FILIP1L: variants seen among roughly 807,000 people sequenced by gnomAD.
FILIP1L encodes the protein filamin A interacting protein 1 like, also known as filamin A-interacting protein 1-like.
In FILIP1L, 55 loss-of-function variants were observed where a neutral mutation model predicts 96.6. That is an observed-to-expected ratio of 0.57 (90% CI 0.46 to 0.71). The LOEUF (loss-of-function observed/expected upper bound fraction) is 0.71. Among genes scored for constraint, FILIP1L ranks in the 30% least tolerant of loss-of-function variants. The pLI is 0.00. For synonymous variants in FILIP1L, 467 were observed against 473.9 expected (o/e 0.99, Z 0.19); for missense variants, 1,304 against 1,321.2 (o/e 0.99, Z 0.20).
chr3:99,977,591 A>G (rs765162315), intron 1 of FILIP1L, among the ~76,000 whole-genome samples: 1 of 152,206 alleles, frequency 6.6e-6, no homozygotes, highest in East Asian at 1.9e-4. Context: ...CCATGAAATA[A>G]ATTTCAACAA....
At chr3:99,983,464 GTATA>G (rs1191587665) in intron 1 of FILIP1L, among the ~76,000 whole-genome samples, 699 of 12,338 alleles carry the variant, frequency 0.057, 8 homozygotes, top group Non-Finnish European at 0.09. Flanking sequence ...ATATATGTGT[GTATA>G]TATATATATA....
intron 1 of FILIP1L, among the ~76,000 whole-genome samples, chr3:100,035,809 A>C (rs1207519157): frequency 6.6e-6 from 1 of 152,200 alleles, no homozygotes; most frequent in Admixed American, 6.5e-5. Context: ...GCAGTCATCA[A>C]CTCATGGCCA....
chr3:100,026,857 C>G (rs2064931580), intron 1 of FILIP1L, among the ~76,000 whole-genome samples: 1 of 152,144 alleles, frequency 6.6e-6, no homozygotes, highest in Non-Finnish European at 1.5e-5. Flanking sequence ...CATCGCCCCA[C>G]TGCCCACAAT....
rs1388736214 is a variant in FILIP1L at position 99,829,078 on chromosome 3, A to G, written c.*1336T>C. 1.3e-5 allele frequency among the ~76,000 whole-genome samples: 2 copies of G among 152,150 alleles called. No individual in the cohort carries two copies. The highest frequency in any genetic ancestry group is 4.8e-5 in the African/African-American group (2 of 41,442). ...ATGAGGTGGACTTAGTTAGATAAGTATGGGGAATGGGAGTTCCTTTACTCT... is the reference window on the plus strand; with the variant it reads ...ATGAGGTGGACTTAGTTAGATAAGTGTGGGGAATGGGAGTTCCTTTACTCT... On this transcript the variant is annotated 3_prime_UTR_variant, in exon 6 of 6. Coordinates refer to ENST00000477258, the MANE Select transcript of FILIP1L (RefSeq NM_001387850.1).
At chr3:99,836,045 G>A (rs1294663117) in intron 5 of FILIP1L, among the ~76,000 whole-genome samples, 2 of 152,172 alleles carry the variant, frequency 1.3e-5, no homozygotes, top group Non-Finnish European at 2.9e-5. Flanking sequence ...GAAGGCCATG[G>A]TAGAAGGTTT....
intron 1 of FILIP1L, among the ~76,000 whole-genome samples, chr3:100,002,628 AT>A (rs1337261584): frequency 1.3e-5 from 2 of 152,340 alleles, no homozygotes; most frequent in African/African-American, 4.8e-5. Flanking sequence ...TGTCCATCAT[AT>A]GGGTGTGATT....
intron 1 of FILIP1L, among the ~76,000 whole-genome samples, chr3:99,933,546 A>T (rs931941287): frequency 3.9e-5 from 6 of 152,214 alleles, no homozygotes; most frequent in Non-Finnish European, 8.8e-5. Flanking sequence ...GAAAAATTAT[A>T]CATAAACAGG....
intron 4 of FILIP1L, among the ~76,000 whole-genome samples, chr3:99,886,878 G>A (rs574183345): frequency 6.6e-6 from 1 of 151,854 alleles, no homozygotes; most frequent in African/African-American, 2.4e-5. Context: ...GCTGAGGCAG[G>A]AGAATCGCTT....
intron 1 of FILIP1L, among the ~76,000 whole-genome samples, chr3:100,015,384 C>T (rs1323611340): frequency 4.6e-5 from 7 of 151,990 alleles, no homozygotes; most frequent in African/African-American, 1.5e-4. Context: ...TGGTTTCATA[C>T]GAATTTTAGG....
At chr3:100,023,491 C>T (rs148118775) in intron 1 of FILIP1L, 146 of 152,478 alleles carry the variant, frequency 9.6e-4, no homozygotes, top group African/African-American at 3.1e-3. Context: ...AGAAATGCTC[C>T]GAGTCTATAA....
intron 1 of FILIP1L, among the ~76,000 whole-genome samples, chr3:100,015,449 T>C (rs898707691): frequency 1.3e-5 from 2 of 152,224 alleles, no homozygotes; most frequent in Non-Finnish European, 2.9e-5. Flanking sequence ...AGGTATTGCA[T>C]TGAATCTACA....
chr3:99,858,791 A>G (rs1944100151), intron 4 of FILIP1L, among the ~76,000 whole-genome samples: 1 of 152,226 alleles, frequency 6.6e-6, no homozygotes, highest in Non-Finnish European at 1.5e-5. Context: ...AAAGGGGGCC[A>G]CACTTTAAGA....
At chr3:99,987,396 G>A (rs1709373876) in intron 1 of FILIP1L, among the ~76,000 whole-genome samples, 1 of 151,586 alleles carries the variant, frequency 6.6e-6, no homozygotes, top group Non-Finnish European at 1.5e-5. Context: ...GGGTGTGGTG[G>A]CATACACCTG....
chr3:99,960,082 A>G (rs1170035635), intron 1 of FILIP1L, among the ~76,000 whole-genome samples: 2 of 152,172 alleles, frequency 1.3e-5, no homozygotes, highest in Non-Finnish European at 2.9e-5. Context: ...TCAATGTTAT[A>G]ACGATTGGCT....
intron 1 of FILIP1L, among the ~76,000 whole-genome samples, chr3:100,045,440 C>T (rs2065263906): frequency 6.6e-6 from 1 of 152,046 alleles, no homozygotes; most frequent in Non-Finnish European, 1.5e-5. Flanking sequence ...TGTATAAAAT[C>T]GAGATAAAAC....
intron 1 of FILIP1L, among the ~76,000 whole-genome samples, chr3:99,956,094 A>G (rs1708312163): frequency 6.6e-6 from 1 of 152,186 alleles, no homozygotes; most frequent in South Asian, 2.1e-4. Context: ...TCCTGTCAAT[A>G]ATAGATTTAT....
At chr3:99,834,087 A>G (rs944497232) in intron 5 of FILIP1L, among the ~76,000 whole-genome samples, 5 of 152,234 alleles carry the variant, frequency 3.3e-5, no homozygotes, top group Non-Finnish European at 7.3e-5. Flanking sequence ...GAAATAAGAG[A>G]TAATGAATCT....
rs573027838 is a variant in FILIP1L, at chr3:100,084,692, A to G, written c.-11+29361T>C. Reference sequence around the variant, plus strand: ...AAATTGTCACTTACGTATAAACATGAGGATATGGATATTACAGATCAACCT... The same window carrying G: ...AAATTGTCACTTACGTATAAACATGGGGATATGGATATTACAGATCAACCT... On this transcript the variant is annotated intron_variant, in intron 1 of 5. Transcript: ENST00000477258. Among the ~76,000 whole-genome samples the G allele has an allele frequency of 5.3e-5, 8 of 152,352 alleles. No individual in the cohort carries two copies. The South Asian group carries it at 8.3e-4, about 16-fold the overall frequency.
At chr3:100,008,621 A>AT (rs1222748717) in intron 1 of FILIP1L, among the ~76,000 whole-genome samples, 1 of 152,236 alleles carries the variant, frequency 6.6e-6, no homozygotes, top group African/African-American at 2.4e-5. Flanking sequence ...GGTTAATACT[A>AT]TGATCTTTCC....
Sources: gnomAD v4.1 joint callset for allele counts (sites outside exome capture counted in the v4.1 genomes callset) on GRCh38, gnomAD v4.1.1 for gene constraint, MANE v1.5 for transcripts, NCBI Gene and HGNC (gene_info 2026-07-23, HGNC 2026-07-21) for gene names.